Variants in IQCE observed in about 807,000 individuals in gnomAD.
The protein encoded by IQCE is IQ domain-containing protein E.
In IQCE, 115 loss-of-function variants were observed where a neutral mutation model predicts 96.0. That is an observed-to-expected ratio of 1.20 (90% CI 1.03 to 1.40). The LOEUF (loss-of-function observed/expected upper bound fraction) is 1.40, where lower values mean the gene tolerates loss of function less well. IQCE is among the 40% of genes most tolerant of loss of function. The pLI is 0.00. For synonymous variants in IQCE, 412 were observed against 371.2 expected, an observed-to-expected ratio of 1.11 and a Z score of -1.26; for missense variants, 1,041 against 909.1, an observed-to-expected ratio of 1.15 and a Z score of -1.87.
intron 8 of IQCE, among the ~76,000 whole-genome samples, chr7:2,578,915 C>T (rs952081365): frequency 6.6e-6 from 1 of 151,974 alleles, no homozygotes; most frequent in Non-Finnish European, 1.5e-5. Context: ...ACAAAAAAGC[C>T]GGGTATGGCA....
intron 18 of IQCE, chr7:2,602,022 C>G (rs1312268258): frequency 6.3e-6 from 1 of 157,684 alleles, no homozygotes; most frequent in Non-Finnish European, 1.4e-5. Flanking sequence ...ACCAGCCCTG[C>G]GTGGGGCAGT....
intron 18 of IQCE, 126 bp downstream of exon 18, chr7:2,601,590 C>A (rs1399980726): frequency 2.5e-6 from 2 of 790,572 alleles, no homozygotes. Flanking sequence ...CGCTCTGTGG[C>A]CCAGCCTGGA....
Position 2,567,162 on chromosome 7 carries a change from C to T in IQCE, c.83C>T (p.Thr28Met), listed in dbSNP as rs777759554. 48 of 1,613,010 alleles carry T rather than the reference C, an allele frequency of 3.0e-5. No homozygotes were observed. The highest frequency in any genetic ancestry group is 3.6e-5 in the Non-Finnish European group (43 of 1,179,418). Residue 28 changes from threonine (T) to methionine (M), a missense_variant and splice_region_variant, in exon 2 of 22, where the codon ACG (threonine) becomes ATG (methionine). Thr to Met is a moderately conservative substitution (Grantham distance 81). Transcript: ENST00000402050. ...SAVTFDSDVE[T>M]KAKRKAFHKP... Reference sequence around the variant, plus strand: ...GTCACCTTTGACTCTGATGTGGAGACGGTGAGTGCCGCTGGGTGTCAGCCG... The same window carrying T: ...GTCACCTTTGACTCTGATGTGGAGATGGTGAGTGCCGCTGGGTGTCAGCCG...
intron 1 of IQCE, among the ~76,000 whole-genome samples, chr7:2,564,770 C>G (rs1285789567): frequency 6.6e-6 from 1 of 152,058 alleles, no homozygotes; most frequent in African/African-American, 2.4e-5. Context: ...GTGTATTGTG[C>G]TGTTGTTGAG....
rs1785165777 is a variant in IQCE at position 2,612,918 on chromosome 7, A to G, written c.*2756A>G. On this transcript the variant is annotated 3_prime_UTR_variant, in exon 22 of 22. Coordinates refer to ENST00000402050, the MANE Select transcript of IQCE (RefSeq NM_152558.5). ...AGACGAAGTAGAGAGTGAGTCCCCA[A>G]GAAAGGGACTCCTGCCCCAGCGTCA... is the stretch of plus-strand genomic sequence containing the variant. 1 of 152,194 alleles carries G rather than the reference A, an allele frequency of 6.6e-6. No homozygotes were observed. Among genetic ancestry groups the G allele is most frequent in the African/African-American group, 2.4e-5 (1 of 41,406 alleles). The allele number at this position is 152,194 out of a possible 1,614,324, so 9.4% of individuals were successfully genotyped here.
At chr7:2,583,520 C>A in intron 9 of IQCE, 117 bp from the exon 10 acceptor site, 1 of 550,564 alleles carries the variant, frequency 1.8e-6, no homozygotes. Context: ...TTTTCCCTCC[C>A]ATCCTGGGTC....
At chr7:2,584,381 A>G in intron 11 of IQCE, 96 bp downstream of exon 11, 2 of 1,148,152 alleles carry the variant, frequency 1.7e-6, no homozygotes, top group Admixed American at 3.4e-5. Context: ...TGCGGCATAT[A>G]CTGCCCTTAG....
Position 2,572,297 on chromosome 7 carries a change from G to A in IQCE, c.365G>A (p.Arg122Lys), listed in dbSNP as rs201783276. Reference sequence around the variant, plus strand: ...CTGACAGACACCTTCAGAGTGAAGAGGCCACATCTCAGGCGCTCTGCCAGC... The same window carrying A: ...CTGACAGACACCTTCAGAGTGAAGAAGCCACATCTCAGGCGCTCTGCCAGC... ...DCLTDTFRVKRPHLRRSASNG... is the reference protein window; with the variant it reads ...DCLTDTFRVKKPHLRRSASNG... The change falls in exon 5 of 22, where the codon AGG (arginine) becomes AAG (lysine). Residue 122 changes from arginine to lysine, a missense_variant. Physicochemically the swap from Arg to Lys is conservative, Grantham distance 26. Transcript: ENST00000402050. 33 of 1,614,060 alleles carry A rather than the reference G, an allele frequency of 2.0e-5. No individual in the cohort carries two copies. The African/African-American group carries it at 3.7e-4, about 18-fold the overall frequency.
chr7:2,563,612 G>T (rs923699258), intron 1 of IQCE, among the ~76,000 whole-genome samples: 2 of 151,972 alleles, frequency 1.3e-5, no homozygotes, highest in African/African-American at 4.8e-5. Flanking sequence ...CCTGCTTTAG[G>T]TACATCCCAT....
chr7:2,584,205 G>A, intron 10 of IQCE, 31 bp from the exon 11 acceptor site: 1 of 1,601,820 alleles, frequency 6.2e-7, no homozygotes, highest in Non-Finnish European at 8.6e-7. Flanking sequence ...CTAGCCTTGT[G>A]TTTTCATGCA....
intron 14 of IQCE, 25 bp from the exon 15 acceptor site, chr7:2,592,997 A>T: frequency 6.4e-7 from 1 of 1,571,926 alleles, no homozygotes. Context: ...GTGAACGCTG[A>T]CGAGTCTCCT....
At chr7:2,585,167 C>T (rs1160356366) in intron 11 of IQCE, among the ~76,000 whole-genome samples, 2 of 151,550 alleles carry the variant, frequency 1.3e-5, no homozygotes, top group Non-Finnish European at 2.9e-5. Flanking sequence ...TCCCAAGTAT[C>T]TGGGACTGTA....
At chr7:2,582,741 G>A in intron 9 of IQCE, 91 bp downstream of exon 9, 5 of 1,128,716 alleles carry the variant, frequency 4.4e-6, no homozygotes, top group Non-Finnish European at 6.6e-6. Flanking sequence ...ACCCCGTCCT[G>A]TGTCCCTACT....
chr7:2,570,114 C>A (rs1174563900), intron 3 of IQCE, among the ~76,000 whole-genome samples: 2 of 152,106 alleles, frequency 1.3e-5, no homozygotes, highest in African/African-American at 4.8e-5. Context: ...GGTCAACCTG[C>A]TTGTAGGTTT....
At chr7:2,562,038 A>C (rs74655344) in intron 1 of IQCE, among the ~76,000 whole-genome samples, 1 of 152,332 alleles carries the variant, frequency 6.6e-6, no homozygotes, top group South Asian at 2.1e-4. Flanking sequence ...GGATTTTTGT[A>C]GATGCCATTT....
chr7:2,595,557 C>T (rs920830639), intron 16 of IQCE, among the ~76,000 whole-genome samples: 4 of 152,188 alleles, frequency 2.6e-5, no homozygotes, highest in Admixed American at 1.3e-4. Context: ...CGTGTGTGGA[C>T]GCTACCCGGG....
rs372707696 is a variant in IQCE at position 2,610,146 on chromosome 7, A to G, written c.2072A>G (p.Lys691Arg). The G allele has an allele frequency of 4.0e-5, 64 of 1,604,022 alleles. No individual in the cohort carries two copies. The highest frequency in any genetic ancestry group is 5.3e-5 in the Non-Finnish European group (62 of 1,170,852). ...DIVIAPSLPT[K>R]NFPV is the part of the protein sequence containing the mutation. ...GTCATTGCACCGTCTCTGCCCACGA[A>G]GAACTTTCCAGTTTAGGTCCCCGTC... Residue 691 changes from lysine (K) to arginine (R), a missense_variant, in exon 22 of 22, where the codon AAG becomes AGG. Transcript: ENST00000402050.
At chr7:2,591,598 C>T (rs1241086128) in intron 14 of IQCE, among the ~76,000 whole-genome samples, 1 of 151,380 alleles carries the variant, frequency 6.6e-6, no homozygotes, top group East Asian at 1.9e-4. Context: ...ACTCTGCTTC[C>T]AGTGGGATCT....
chr7:2,599,960 A>G (rs975078543), intron 17 of IQCE, among the ~76,000 whole-genome samples: 1 of 151,722 alleles, frequency 6.6e-6, no homozygotes, highest in Non-Finnish European at 1.5e-5. Context: ...TGCACAGCTA[A>G]TTTTTGTATT....
Sources: allele counts gnomAD v4.1 joint callset (sites outside exome capture counted in the v4.1 genomes callset), GRCh38; gene constraint gnomAD v4.1.1; transcripts MANE v1.5; gene names NCBI Gene and HGNC (gene_info 2026-07-23, HGNC 2026-07-21).